Variants in RANBP2 observed in about 807,000 individuals in gnomAD.
RANBP2 encodes E3 SUMO-protein ligase RanBP2.
RANBP2 carries 57 observed loss-of-function variants against 303.6 expected under a neutral mutation model. That is an observed-to-expected ratio of 0.19 (90% CI 0.15 to 0.23). The LOEUF is 0.23. RANBP2 is among the 10% of genes least tolerant of loss of function. RANBP2 has a pLI of 1.00. For missense variants in RANBP2, 3,138 were observed against 3,780.8 expected (o/e 0.83, Z 4.46); for synonymous variants, 1,167 against 1,301.5 (o/e 0.90, Z 2.23).
chr2:109,171,205 C>G, the RANBP2 span, among the ~76,000 whole-genome samples: 2 of 152,158 alleles, frequency 1.3e-5, no homozygotes, highest in East Asian at 3.8e-4. Flanking sequence ...AAAGTACATA[C>G]ATCACCAAAT....
At chr2:109,641,180 C>A in the RANBP2 span, among the ~76,000 whole-genome samples, 5 of 151,768 alleles carry the variant, frequency 3.3e-5, no homozygotes, top group Admixed American at 6.6e-5. Flanking sequence ...GCTCTGTTGC[C>A]CAGGCTGGAG....
At chr2:109,167,598 G>T in the RANBP2 span, among the ~76,000 whole-genome samples, 1 of 152,138 alleles carries the variant, frequency 6.6e-6, no homozygotes, top group Admixed American at 6.5e-5. Context: ...TTTTGAGACA[G>T]TGTTGCTCTG....
intron 12 of RANBP2, 135 bp from the exon 13 acceptor site, chr2:108,752,863 A>G: frequency 6.4e-7 from 1 of 1,558,142 alleles, no homozygotes; most frequent in Non-Finnish European, 8.7e-7. Context: ...AGTATTTGGA[A>G]GTTGAACAAA....
chr2:109,513,099 C>A, the RANBP2 span, among the ~76,000 whole-genome samples: 1 of 152,196 alleles, frequency 6.6e-6, no homozygotes, highest in African/African-American at 2.4e-5. Context: ...TTCTGAGGCA[C>A]CCCATGCCAT....
chr2:108,924,414 TGCTCAGCGGAGAGCA>T, the RANBP2 span, among the ~76,000 whole-genome samples: 1 of 152,212 alleles, frequency 6.6e-6, no homozygotes, highest in African/African-American at 2.4e-5. Flanking sequence ...CATAAACAAA[TGCTCAGCGGAGAGCA>T]TGGAGCCATT....
the RANBP2 span, among the ~76,000 whole-genome samples, chr2:109,476,423 C>G: frequency 6.6e-6 from 1 of 152,130 alleles, no homozygotes; most frequent in Admixed American, 6.5e-5. Flanking sequence ...ACTGGGTAGC[C>G]CCAGGGGAGG....
At chr2:109,717,272 C>CAAAAAAAAAAAAAAAAAAAAAAAAAA in the RANBP2 span, among the ~76,000 whole-genome samples, 3 of 124,796 alleles carry the variant, frequency 2.4e-5, no homozygotes, top group Non-Finnish European at 3.2e-5. Flanking sequence ...AAAAACAAAC[C>CAAAAAAAAAAAAAAAAAAAAAAAAAA]AAAAAAAAAA....
At chr2:108,948,884 G>A in the RANBP2 span, among the ~76,000 whole-genome samples, 18 of 152,296 alleles carry the variant, frequency 1.2e-4, no homozygotes, top group African/African-American at 3.9e-4. Context: ...TTGGGATGCC[G>A]AGGCAGGATG....
At chr2:108,894,915 C>T in the RANBP2 span, 11 of 152,118 alleles carry the variant, frequency 7.2e-5, no homozygotes, top group Admixed American at 7.2e-4. Context: ...AACAGCCACC[C>T]CACTCTTTCG....
At chr2:109,739,391 T>C in the RANBP2 span, among the ~76,000 whole-genome samples, 1 of 150,968 alleles carries the variant, frequency 6.6e-6, no homozygotes, top group Non-Finnish European at 1.5e-5. Context: ...ATCTTTCCAT[T>C]TTTTGTGTGT....
At chr2:108,956,274 G>A in the RANBP2 span, among the ~76,000 whole-genome samples, 1 of 152,186 alleles carries the variant, frequency 6.6e-6, no homozygotes, top group African/African-American at 2.4e-5. Flanking sequence ...TGCCTGGCTG[G>A]AGATACCCTT....
chr2:109,721,956 C>A, the RANBP2 span, among the ~76,000 whole-genome samples: 1 of 152,224 alleles, frequency 6.6e-6, no homozygotes, highest in Non-Finnish European at 1.5e-5. Context: ...CCAGCTGGCT[C>A]ATTTAGGGAT....
the RANBP2 span, among the ~76,000 whole-genome samples, chr2:109,144,653 A>G: frequency 6.6e-6 from 1 of 152,254 alleles, no homozygotes; most frequent in Admixed American, 6.5e-5. Context: ...TATTTTGGAC[A>G]TGACAGGTGT....
At chr2:109,051,408 C>T in the RANBP2 span, among the ~76,000 whole-genome samples, 4 of 152,164 alleles carry the variant, frequency 2.6e-5, no homozygotes, top group African/African-American at 9.7e-5. Flanking sequence ...AAAAACAGTT[C>T]TTTTCCTGGA....
the RANBP2 span, among the ~76,000 whole-genome samples, chr2:109,247,297 A>G: frequency 6.6e-6 from 1 of 152,196 alleles, no homozygotes. Context: ...ATGGCTTTCA[A>G]GAGCTTTCTT....
At chr2:109,667,758 G>A in the RANBP2 span, 2 of 172,022 alleles carry the variant, frequency 1.2e-5, no homozygotes, top group Non-Finnish European at 1.4e-5. Context: ...TCTGATGCTC[G>A]CCAGGTTTTG....
chr2:108,730,899 TTCAAATATAGCC>T lies in RANBP2; in HGVS notation c.252+16_252+27del, dbSNP rs770728436. 1 of 1,611,496 alleles carries T rather than the reference TTCAAATATAGCC, an allele frequency of 6.2e-7. No homozygotes were observed. The highest frequency in any genetic ancestry group is 1.3e-5 in the African/African-American group (1 of 74,854). The stretch of plus-strand genomic sequence containing the variant: ...GAATGTTACAGGGTAAGTTACAGGA[TTCAAATATAGCC>T]TTTGCATAGCCAAACACATGATGCC... On this transcript the variant is annotated intron_variant, in intron 3 of 28. Coordinates refer to ENST00000283195, the MANE Select transcript of RANBP2 (RefSeq NM_006267.5).
chr2:108,803,659 G>T, the RANBP2 span, among the ~76,000 whole-genome samples: 1 of 152,158 alleles, frequency 6.6e-6, no homozygotes, highest in Non-Finnish European at 1.5e-5. Context: ...GAGGCAAAAT[G>T]TTGAGAGAAG....
chr2:109,451,424 A>G, the RANBP2 span, among the ~76,000 whole-genome samples: 5 of 152,222 alleles, frequency 3.3e-5, no homozygotes, highest in African/African-American at 1.2e-4. Flanking sequence ...GGGGGCTGTA[A>G]TAGTTCCTTA....
Sources: gnomAD v4.1 joint callset for allele counts (sites outside exome capture counted in the v4.1 genomes callset) on GRCh38, gnomAD v4.1.1 for gene constraint, MANE v1.5 for transcripts, NCBI Gene and HGNC (gene_info 2026-07-23, HGNC 2026-07-21) for gene names.